Variants in PLEKHB2 observed in about 807,000 individuals in gnomAD.
The protein encoded by PLEKHB2 is pleckstrin homology domain-containing family B member 2.
Under a neutral mutation model 36.5 loss-of-function variants are expected in PLEKHB2, and 31 were observed. The observed-to-expected ratio is 0.85, with a 90% CI of 0.64 to 1.15. PLEKHB2 has a LOEUF of 1.15. PLEKHB2 is among the 50% of genes most tolerant of loss of function. The pLI is 0.00. For missense variants in PLEKHB2, 262 were observed against 295.3 expected, an observed-to-expected ratio of 0.89 and a Z score of 0.83; for synonymous variants, 119 against 112.0, an observed-to-expected ratio of 1.06 and a Z score of -0.39.
At chr2:131,141,387 C>G (rs1258137419) in intron 7 of PLEKHB2, among the ~76,000 whole-genome samples, 2 of 151,974 alleles carry the variant, frequency 1.3e-5, no homozygotes, top group Non-Finnish European at 2.9e-5. Flanking sequence ...CGCCTGTAAT[C>G]CCAGCACTTT....
In PLEKHB2 at chr2:131,117,620, T is replaced by G. The variant is rs1696022628; in HGVS notation, c.-8-3314T>G. 2.6e-5 allele frequency among the ~76,000 whole-genome samples: 4 copies of G among 152,212 alleles called. No individual in the cohort carries two copies. In the South Asian group the frequency reaches 8.3e-4, roughly 31 times the overall value. ...TTTTTAGCCTGTTCTCATTTTTTTT[T>G]GTATGAAATATACTGGGAATTCACA... On this transcript the variant is annotated intron_variant, in intron 1 of 7. Transcript: ENST00000693505.
At chr2:131,146,465 T>G (rs925631361) in intron 7 of PLEKHB2, among the ~76,000 whole-genome samples, 172 bp from the exon 8 acceptor site, 14 of 152,138 alleles carry the variant, frequency 9.2e-5, no homozygotes, top group Admixed American at 8.5e-4. Context: ...TTCCTCCCAG[T>G]GTGCGGTTTC....
chr2:131,131,729 G>A (rs1697706850), intron 5 of PLEKHB2, among the ~76,000 whole-genome samples: 2 of 149,968 alleles, frequency 1.3e-5, no homozygotes, highest in Non-Finnish European at 1.5e-5. Flanking sequence ...CTCTACAGCC[G>A]CAGTTACCTT....
intron 6 of PLEKHB2, among the ~76,000 whole-genome samples, chr2:131,139,749 A>G (rs1258511694): frequency 6.6e-6 from 1 of 152,152 alleles, no homozygotes; most frequent in East Asian, 1.9e-4. Context: ...TTTGGGCCAG[A>G]GAGGGTTCCG....
intron 7 of PLEKHB2, among the ~76,000 whole-genome samples, chr2:131,145,645 T>TGTTCA (rs1229428517): frequency 1.3e-5 from 2 of 152,182 alleles, no homozygotes; most frequent in Non-Finnish European, 2.9e-5. Flanking sequence ...AGCCAGCCTT[T>TGTTCA]GAACCATTAA....
At chr2:131,143,567 T>C (rs16856536) in intron 7 of PLEKHB2, among the ~76,000 whole-genome samples, 2,061 of 152,364 alleles carry the variant, frequency 0.014, 46 homozygotes, top group African/African-American at 0.047. Context: ...TACCAACTTA[T>C]AATGCCACTA....
intron 1 of PLEKHB2, among the ~76,000 whole-genome samples, chr2:131,119,775 G>T (rs1367331684): frequency 6.6e-6 from 1 of 152,116 alleles, no homozygotes; most frequent in Non-Finnish European, 1.5e-5. Context: ...GTAGTTTACT[G>T]TACAGTTGGA....
chr2:131,144,526 C>A, intron 7 of PLEKHB2: 3 of 546,030 alleles, frequency 5.5e-6, no homozygotes, highest in Non-Finnish European at 8.3e-6. Context: ...TTTCTTAATT[C>A]CCTGATTTGA....
chr2:131,148,818 TAAG>T lies in PLEKHB2; in HGVS notation c.*2051_*2053del, dbSNP rs1312189661. On this transcript the variant is annotated 3_prime_UTR_variant, in exon 8 of 8. Coordinates refer to ENST00000693505, the MANE Select transcript of PLEKHB2 (RefSeq NM_001100623.2). ...TGCTTTGAGGATTTTCCATCCTGTA[TAAG>T]AAGAATGGCTTTCTTCAGATTATAA... 1 of 152,238 alleles carries T rather than the reference TAAG, an allele frequency of 6.6e-6. No homozygotes were observed. The highest frequency in any genetic ancestry group is 1.5e-5 in the Non-Finnish European group (1 of 68,044). 9.4% of individuals were successfully genotyped at this position (152,238 alleles called of 1,614,324 possible).
intron 5 of PLEKHB2, 28 bp downstream of exon 5, chr2:131,130,788 ATT>A (rs750249915): frequency 1.6e-3 from 2,009 of 1,287,592 alleles, no homozygotes; most frequent in Non-Finnish European, 1.7e-3. Flanking sequence ...ATCACCAATA[ATT>A]TTTTTTTTTT....
intron 7 of PLEKHB2, among the ~76,000 whole-genome samples, chr2:131,144,811 A>C (rs1367635346): frequency 6.6e-6 from 1 of 152,222 alleles, no homozygotes; most frequent in Non-Finnish European, 1.5e-5. Context: ...GGGCATCAGA[A>C]TGTAGATTTT....
intron 1 of PLEKHB2, chr2:131,108,085 A>T (rs148900833): frequency 2.6e-5 from 4 of 152,346 alleles, no homozygotes; most frequent in African/African-American, 9.6e-5. Context: ...TGAGGCTTAG[A>T]GAGGTTTAGA....
rs376927744 is a variant in PLEKHB2, at chr2:131,146,675, C to T, written c.571C>T (p.Arg191Ter). The change falls in exon 8 of 8, where the codon CGA (arginine) becomes TGA (stop). Residue 191 changes from arginine to a stop codon, truncating the protein, a stop_gained. Transcript: ENST00000693505. LOFTEE classifies it high-confidence loss of function. ...GQQPANQVIIRERYRDNDSDL... is the reference protein window; with the variant it reads ...GQQPANQVII ...GCAGCCTGCTAACCAAGTCATCATTCGAGAGCGCTATCGAGACAACGACAG... is the reference window on the plus strand; with the variant it reads ...GCAGCCTGCTAACCAAGTCATCATTTGAGAGCGCTATCGAGACAACGACAG... The T allele has an allele frequency of 2.4e-5, 38 of 1,613,740 alleles. No homozygotes were observed. The highest frequency in any genetic ancestry group is 4.4e-5 in the South Asian group (4 of 90,998).
At chr2:131,134,231 T>C (rs1698009910) in intron 6 of PLEKHB2, among the ~76,000 whole-genome samples, 1 of 148,192 alleles carries the variant, frequency 6.7e-6, no homozygotes, top group Non-Finnish European at 1.5e-5. Context: ...TTGTTGCCTA[T>C]ACTGGAGTGC....
At chr2:131,120,186 C>CA (rs1435171829) in intron 1 of PLEKHB2, 1 of 152,208 alleles carries the variant, frequency 6.6e-6, no homozygotes, top group East Asian at 1.9e-4. Flanking sequence ...AGGCTGGTCT[C>CA]AAACTCCTGA....
rs1695793569 is a variant in PLEKHB2, at chr2:131,115,633, G to A, written c.-8-5301G>A. Among the ~76,000 whole-genome samples, 4 of 152,090 alleles carry A rather than the reference G, an allele frequency of 2.6e-5. No homozygotes were observed. The South Asian group carries it at 8.3e-4, about 32-fold the overall frequency. On this transcript the variant is annotated intron_variant, in intron 1 of 7. Transcript: ENST00000693505. ...CTCCCAAAATGCCGGGATTACAGGC[G>A]TGAGCTACTGCGCCCTCCAGAAGGT...
chr2:131,126,064 T>C (rs1697071161), intron 3 of PLEKHB2, among the ~76,000 whole-genome samples, 159 bp downstream of exon 3: 1 of 152,184 alleles, frequency 6.6e-6, no homozygotes, highest in South Asian at 2.1e-4. Flanking sequence ...ACTTAGATTA[T>C]GAACCACATG....
intron 1 of PLEKHB2, among the ~76,000 whole-genome samples, chr2:131,111,358 GTCTT>G (rs1451916858): frequency 7.1e-6 from 1 of 141,440 alleles, no homozygotes; most frequent in African/African-American, 2.6e-5. Flanking sequence ...CCATCTCTTG[GTCTT>G]TTTTTTTTTT....
intron 7 of PLEKHB2, among the ~76,000 whole-genome samples, chr2:131,142,205 CG>C (rs1698858623): frequency 6.6e-6 from 1 of 152,210 alleles, no homozygotes; most frequent in African/African-American, 2.4e-5. Flanking sequence ...TCCACACAGG[CG>C]GTGCCCCAGA....
Sources: allele counts gnomAD v4.1 joint callset (sites outside exome capture counted in the v4.1 genomes callset), GRCh38; gene constraint gnomAD v4.1.1; transcripts MANE v1.5; gene names NCBI Gene and HGNC (gene_info 2026-07-23, HGNC 2026-07-21).